CHSY3: variants seen among roughly 807,000 people sequenced by gnomAD.
The protein encoded by CHSY3 is N-acetylgalactosaminyl-proteoglycan 3-beta-glucuronosyltransferase 3.
Under a neutral mutation model 67.2 loss-of-function variants are expected in CHSY3, and 35 were observed. The ratio of observed to expected loss-of-function variants is 0.52; its 90% CI spans 0.40 to 0.69. CHSY3 has a LOEUF of 0.69. Among genes scored for constraint, CHSY3 ranks in the 30% least tolerant of loss-of-function variants. CHSY3 has a pLI of 0.00. For synonymous variants in CHSY3, 474 were observed against 434.7 expected (o/e 1.09, Z -1.12); for missense variants, 1,069 against 1,138.5 (o/e 0.94, Z 0.88).
At chr5:129,947,043 G>C (rs1761876489) in intron 2 of CHSY3, among the ~76,000 whole-genome samples, 1 of 152,106 alleles carries the variant, frequency 6.6e-6, no homozygotes, top group African/African-American at 2.4e-5. Flanking sequence ...AACTGAGACT[G>C]GGTAATTTAT....
chr5:130,109,149 G>C (rs1767510532), intron 2 of CHSY3, among the ~76,000 whole-genome samples: 1 of 151,680 alleles, frequency 6.6e-6, no homozygotes, highest in African/African-American at 2.4e-5. Flanking sequence ...TTAGGATAAA[G>C]GTCCAAGAAA....
chr5:130,117,062 C>T (rs1191808663), intron 2 of CHSY3, among the ~76,000 whole-genome samples: 1 of 152,134 alleles, frequency 6.6e-6, no homozygotes, highest in East Asian at 1.9e-4. Context: ...AATCTCTTGT[C>T]ACCCAGGTGA....
chr5:129,965,085 C>T (rs1762433737), intron 2 of CHSY3, among the ~76,000 whole-genome samples: 1 of 151,904 alleles, frequency 6.6e-6, no homozygotes. Context: ...GTTTGTGTGT[C>T]AGTGAGGATT....
At position 130,176,286 on chromosome 5, in the gene CHSY3, T is replaced by A. The variant is rs929774710; in HGVS notation, c.1087-7943T>A. On this transcript the variant is annotated intron_variant, in intron 2 of 2. Coordinates refer to ENST00000305031, the MANE Select transcript of CHSY3 (RefSeq NM_175856.5). ...TCACTGGTCATTAGAGAAATGCAAA[T>A]CAAAACCACAATGAGATATCATCTC... Among the ~76,000 whole-genome samples, 3 of 151,794 alleles carry A rather than the reference T, an allele frequency of 2.0e-5. No individual in the cohort carries two copies. In the East Asian group the frequency reaches 5.8e-4, roughly 29 times the overall value.
intron 2 of CHSY3, among the ~76,000 whole-genome samples, chr5:130,173,566 G>A (rs903128879): frequency 1.3e-5 from 2 of 152,086 alleles, no homozygotes; most frequent in African/African-American, 4.8e-5. Flanking sequence ...TAAAGGCAGA[G>A]TTTATAGATC....
At position 130,024,137 on chromosome 5, in the gene CHSY3, C is replaced by CA. The variant is rs5871376; in HGVS notation, c.1086+115794dup. Among the ~76,000 whole-genome samples, 275 of 109,988 alleles carry CA rather than the reference C, an allele frequency of 2.5e-3. 6 individuals carry two copies. Among genetic ancestry groups the CA allele is most frequent in the Middle Eastern group, 4.8e-3 (1 of 208 alleles). The allele number at this position is 109,988 out of a possible 152,430, so 72.2% of individuals were successfully genotyped here. A position where few individuals can be genotyped will look rare whatever the true frequency, so the allele number is the denominator to read the frequency against. On this transcript the variant is annotated intron_variant, in intron 2 of 2. Transcript: ENST00000305031. ...CTCATCCTTCCCTATGATTGATGGT[C>CA]AAAAAAAAAAAAAAAAAGCCTGTCT...
intron 2 of CHSY3, among the ~76,000 whole-genome samples, chr5:129,938,854 G>T (rs1761601374): frequency 6.6e-6 from 1 of 152,126 alleles, no homozygotes; most frequent in Admixed American, 6.5e-5. Context: ...CTTCTTCTGA[G>T]CCCTGCAGCC....
At chr5:130,113,974 A>T (rs879428003) in intron 2 of CHSY3, among the ~76,000 whole-genome samples, 1 of 152,174 alleles carries the variant, frequency 6.6e-6, no homozygotes, top group Non-Finnish European at 1.5e-5. Flanking sequence ...TGGGAAAATG[A>T]TACTACTTTT....
At chr5:130,110,105 A>G (rs1298080013) in intron 2 of CHSY3, among the ~76,000 whole-genome samples, 1 of 151,900 alleles carries the variant, frequency 6.6e-6, no homozygotes. Flanking sequence ...TATGAAGAGC[A>G]AACCTGGCTG....
intron 2 of CHSY3, among the ~76,000 whole-genome samples, chr5:129,918,124 C>A (rs1760792464): frequency 1.3e-5 from 2 of 152,136 alleles, no homozygotes; most frequent in African/African-American, 4.8e-5. Flanking sequence ...GGACTTTAAG[C>A]CATCACTGAC....
At chr5:130,096,387 G>A (rs1268948516) in intron 2 of CHSY3, among the ~76,000 whole-genome samples, 1 of 152,076 alleles carries the variant, frequency 6.6e-6, no homozygotes, top group Admixed American at 6.5e-5. Context: ...CAACCAGTAT[G>A]GACTCAATCT....
chr5:130,003,302 CT>C (rs1225423935), intron 2 of CHSY3, among the ~76,000 whole-genome samples: 3 of 152,108 alleles, frequency 2.0e-5, no homozygotes, highest in South Asian at 2.1e-4. Flanking sequence ...TATTTAACAT[CT>C]TTGTCTTCTT....
At chr5:130,008,252 C>A (rs1763935137) in intron 2 of CHSY3, among the ~76,000 whole-genome samples, 1 of 152,068 alleles carries the variant, frequency 6.6e-6, no homozygotes, top group African/African-American at 2.4e-5. Flanking sequence ...GTGTTGTTGC[C>A]AGCAGACTGG....
intron 2 of CHSY3, among the ~76,000 whole-genome samples, chr5:130,033,082 A>T (rs1352644586): frequency 6.6e-6 from 1 of 152,132 alleles, no homozygotes; most frequent in Non-Finnish European, 1.5e-5. Flanking sequence ...CTGCCAACTA[A>T]CCCACACTCC....
At chr5:130,089,120 G>A (rs1160304065) in intron 2 of CHSY3, among the ~76,000 whole-genome samples, 1 of 150,274 alleles carries the variant, frequency 6.7e-6, no homozygotes, top group African/African-American at 2.5e-5. Flanking sequence ...ACTATTGCAA[G>A]GACAAAAAAC....
intron 2 of CHSY3, among the ~76,000 whole-genome samples, chr5:130,089,909 G>T (rs1422978318): frequency 1.3e-5 from 2 of 152,122 alleles, no homozygotes; most frequent in African/African-American, 2.4e-5. Flanking sequence ...AACAAAGGTT[G>T]TTCATCCAAT....
At chr5:130,025,468 A>T (rs898249422) in intron 2 of CHSY3, among the ~76,000 whole-genome samples, 2 of 152,114 alleles carry the variant, frequency 1.3e-5, no homozygotes, top group Admixed American at 6.6e-5. Context: ...CACAAAATAG[A>T]TGTGCCCTAT....
chr5:130,014,472 C>T (rs1278848507), intron 2 of CHSY3, among the ~76,000 whole-genome samples: 2 of 152,152 alleles, frequency 1.3e-5, no homozygotes, highest in African/African-American at 4.8e-5. Flanking sequence ...CACAGGACAG[C>T]AGGAGAGAGA....
chr5:130,060,313 C>A (rs1404280782), intron 2 of CHSY3, among the ~76,000 whole-genome samples: 1 of 152,082 alleles, frequency 6.6e-6, no homozygotes, highest in Non-Finnish European at 1.5e-5. Flanking sequence ...CAAACAAAAA[C>A]CATATGATCA....
Sources: allele counts gnomAD v4.1 joint callset (sites outside exome capture counted in the v4.1 genomes callset), GRCh38; gene constraint gnomAD v4.1.1; transcripts MANE v1.5; gene names NCBI Gene and HGNC (gene_info 2026-07-23, HGNC 2026-07-21).